The following TIMD4 variants were observed in gnomAD, a reference collection of about 807,000 sequenced individuals.
TIMD4 encodes the protein T-cell immunoglobulin and mucin domain-containing protein 4.
TIMD4 carries 31 observed loss-of-function variants against 41.2 expected under a neutral mutation model. The ratio of observed to expected loss-of-function variants is 0.75; its 90% CI spans 0.57 to 1.01. The LOEUF (loss-of-function observed/expected upper bound fraction) is 1.01. TIMD4 is among the 50% of genes least tolerant of loss of function. TIMD4 has a pLI of 0.00. For synonymous variants in TIMD4, 204 were observed against 177.1 expected, an observed-to-expected ratio of 1.15 and a Z score of -1.21; for missense variants, 479 against 472.5, an observed-to-expected ratio of 1.01 and a Z score of -0.13.
chr5:156,941,186 G>A (rs58937450), intron 5 of TIMD4, among the ~76,000 whole-genome samples: 5,525 of 151,900 alleles, frequency 0.036, 278 homozygotes, highest in African/African-American at 0.12. Context: ...GCGGAAGGCC[G>A]CAGGGTCCTC....
rs1297450232 is a variant in TIMD4 at position 156,954,845 on chromosome 5, G to A, written c.59-89C>T. The A allele has an allele frequency of 2.8e-6, 3 of 1,083,310 alleles. No individual in the cohort carries two copies. The South Asian group carries it at 4.9e-5, about 18-fold the overall frequency. The allele number at this position is 1,083,310 out of a possible 1,614,324, so 67.1% of individuals were successfully genotyped here. On this transcript the variant is annotated intron_variant, in intron 1 of 8. Transcript: ENST00000274532. ...TTTTTGTGCTAATAGATGCTTCCAGGAAGATGAAGAAAGCTGTAGTCTATG... is the reference window on the plus strand; with the variant it reads ...TTTTTGTGCTAATAGATGCTTCCAGAAAGATGAAGAAAGCTGTAGTCTATG...
intron 6 of TIMD4, among the ~76,000 whole-genome samples, chr5:156,925,746 C>T (rs1759335651): frequency 6.6e-6 from 1 of 152,192 alleles, no homozygotes; most frequent in South Asian, 2.1e-4. Context: ...AGTATTGGCA[C>T]ATACAGATGT....
At chr5:156,950,652 A>G (rs1340151528) in intron 3 of TIMD4, among the ~76,000 whole-genome samples, 1 of 152,172 alleles carries the variant, frequency 6.6e-6, no homozygotes, top group Non-Finnish European at 1.5e-5. Context: ...GGAGCAAGTC[A>G]CTCAGTGAGA....
intron 3 of TIMD4, 46 bp from the exon 4 acceptor site, chr5:156,949,777 T>C (rs769398617): frequency 2.3e-5 from 28 of 1,241,058 alleles, no homozygotes; most frequent in South Asian, 1.8e-4. Context: ...AAAGTAGTTA[T>C]TGTGTTTGTG....
chr5:156,949,984 A>G (rs1759824324), intron 3 of TIMD4, among the ~76,000 whole-genome samples: 3 of 151,854 alleles, frequency 2.0e-5, no homozygotes, highest in Admixed American at 2.0e-4. Context: ...TGCCTGGCTA[A>G]TTTTGTATTT....
chr5:156,937,202 T>C (rs895580114), intron 5 of TIMD4, among the ~76,000 whole-genome samples: 13 of 152,142 alleles, frequency 8.5e-5, no homozygotes, highest in African/African-American at 3.1e-4. Context: ...CAAGGCTGCA[T>C]AGCTAATAAT....
intron 1 of TIMD4, among the ~76,000 whole-genome samples, chr5:156,958,291 G>GAGAA (rs921315907): frequency 7.6e-5 from 10 of 131,554 alleles, no homozygotes; most frequent in Non-Finnish European, 1.6e-4. Context: ...GAAAGAAAGA[G>GAGAA]AGAAAGAAAG....
At chr5:156,957,235 T>A (rs185192178) in intron 1 of TIMD4, among the ~76,000 whole-genome samples, 278 of 152,172 alleles carry the variant, frequency 1.8e-3, no homozygotes, top group Middle Eastern at 3.4e-3. Context: ...AGTGGGAGGC[T>A]GGGCACAGTG....
intron 5 of TIMD4, among the ~76,000 whole-genome samples, chr5:156,944,696 G>A (rs560480697): frequency 3.3e-5 from 5 of 151,990 alleles, no homozygotes; most frequent in South Asian, 4.2e-4. Flanking sequence ...TAGTAGAGAC[G>A]GGGTTTCACT....
chr5:156,920,356 A>G (rs1259087522), intron 8 of TIMD4, 108 bp downstream of exon 8: 5 of 1,214,810 alleles, frequency 4.1e-6, no homozygotes, highest in South Asian at 2.5e-5. Flanking sequence ...TTCCAACTCT[A>G]TGTGTAATCG....
intron 6 of TIMD4, among the ~76,000 whole-genome samples, chr5:156,925,313 A>T (rs911212484): frequency 6.6e-6 from 1 of 152,194 alleles, no homozygotes; most frequent in Admixed American, 6.5e-5. Flanking sequence ...GTCTCAAAAA[A>T]AATTGAGAAC....
intron 5 of TIMD4, among the ~76,000 whole-genome samples, chr5:156,947,025 C>A (rs1246392979): frequency 6.6e-6 from 1 of 151,748 alleles, no homozygotes; most frequent in African/African-American, 2.4e-5. Context: ...TGGTGAAACC[C>A]CATCTCTACT....
chr5:156,936,665 C>T (rs960046530), intron 5 of TIMD4, among the ~76,000 whole-genome samples: 4 of 151,824 alleles, frequency 2.6e-5, no homozygotes, highest in African/African-American at 9.7e-5. Flanking sequence ...GCCTGTAATC[C>T]CAGCAGTTTG....
Position 156,922,136 on chromosome 5 carries a change from A to C in TIMD4, c.975T>G (p.Phe325Leu). 1 of 1,614,008 alleles carries C rather than the reference A, an allele frequency of 6.2e-7. No individual in the cohort carries two copies. The highest frequency in any genetic ancestry group is 8.5e-7 in the Non-Finnish European group (1 of 1,179,930). ...LLMIIAPSLG[F>L]VLFALFVAFL... Reference sequence around the variant, plus strand: ...ACGCCACAAACAATGCGAAGAGCACAAATCCCAAGGAGGGGGCGATGATCA... The same window carrying C: ...ACGCCACAAACAATGCGAAGAGCACCAATCCCAAGGAGGGGGCGATGATCA... The change falls in exon 7 of 9, where the codon TTT becomes TTG. Residue 325 changes from phenylalanine (F) to leucine (L), a missense_variant. Phe to Leu is a conservative substitution (Grantham distance 22). Coordinates refer to ENST00000274532, the MANE Select transcript of TIMD4 (RefSeq NM_138379.3).
chr5:156,920,646 C>T (rs530492805), intron 7 of TIMD4, 143 bp from the exon 8 acceptor site: 1 of 777,142 alleles, frequency 1.3e-6, no homozygotes, highest in Non-Finnish European at 2.2e-6. Flanking sequence ...CAGAAAAAGC[C>T]ATTCCCTTTC....
chr5:156,941,616 T>G (rs1052275247), intron 5 of TIMD4, among the ~76,000 whole-genome samples: 5 of 152,220 alleles, frequency 3.3e-5, no homozygotes, highest in Non-Finnish European at 2.9e-5. Flanking sequence ...GTCCTCATTT[T>G]CATTTTCACC....
chr5:156,951,434 TGA>T (rs1055943946), intron 3 of TIMD4, 76 bp downstream of exon 3: 70 of 1,557,992 alleles, frequency 4.5e-5, no homozygotes, highest in Non-Finnish European at 2.4e-5. Context: ...ACACACACAC[TGA>T]GAGAGAGCAA....
chr5:156,924,307 T>C, intron 6 of TIMD4: 1 of 345,640 alleles, frequency 2.9e-6, no homozygotes, highest in Non-Finnish European at 5.8e-6. Context: ...TAGGAAAGCA[T>C]CTCTCAGCTT....
intron 5 of TIMD4, among the ~76,000 whole-genome samples, chr5:156,930,737 A>C (rs190417229): frequency 6.6e-6 from 1 of 152,380 alleles, no homozygotes; most frequent in East Asian, 1.9e-4. Flanking sequence ...GCATCTTAAT[A>C]ACAAGAATAC....
Sources: allele counts gnomAD v4.1 joint callset (sites outside exome capture counted in the v4.1 genomes callset), GRCh38; gene constraint gnomAD v4.1.1; transcripts MANE v1.5; gene names NCBI Gene and HGNC (gene_info 2026-07-23, HGNC 2026-07-21).